RELL1: variants seen among roughly 807,000 people sequenced by gnomAD.
The protein encoded by RELL1 is RELT like 1.
In RELL1, 10 loss-of-function variants were observed where a neutral mutation model predicts 23.0. The observed-to-expected ratio is 0.43, with a 90% confidence interval of 0.27 to 0.74. The LOEUF (loss-of-function observed/expected upper bound fraction) is 0.74. Ranked by LOEUF, RELL1 falls within the 30% of genes least tolerant of loss-of-function variation. RELL1 has a pLI of 0.19. For synonymous variants in RELL1, 146 were observed against 146.8 expected (o/e 0.99, Z 0.04); for missense variants, 315 against 364.4 (o/e 0.86, Z 1.10).
At chr4:37,637,944 C>G (rs185147569) in intron 4 of RELL1, among the ~76,000 whole-genome samples, 109 of 152,206 alleles carry the variant, frequency 7.2e-4, no homozygotes, top group African/African-American at 2.1e-3. Flanking sequence ...TTATAACAAC[C>G]CTATAAAGCT....
intron 1 of RELL1, among the ~76,000 whole-genome samples, chr4:37,657,178 T>A (rs1721145619): frequency 6.6e-6 from 1 of 151,980 alleles, no homozygotes; most frequent in South Asian, 2.1e-4. Flanking sequence ...AAAGATAAAG[T>A]AAAATAAAAA....
intron 6 of RELL1, among the ~76,000 whole-genome samples, chr4:37,601,269 A>G (rs191895959): frequency 6.6e-6 from 1 of 152,288 alleles, no homozygotes; most frequent in East Asian, 1.9e-4. Context: ...AAAAGGCAAA[A>G]TCCCCATCAT....
intron 1 of RELL1, among the ~76,000 whole-genome samples, chr4:37,685,321 A>C (rs1392331385): frequency 6.6e-6 from 1 of 151,958 alleles, no homozygotes; most frequent in Non-Finnish European, 1.5e-5. Flanking sequence ...TAGTAACCCC[A>C]AATGGCCAAG....
At chr4:37,596,705 TG>T (rs1437524176) in intron 6 of RELL1, among the ~76,000 whole-genome samples, 5 of 87,836 alleles carry the variant, frequency 5.7e-5, no homozygotes, top group Admixed American at 1.4e-4. Flanking sequence ...TAGACAAAAC[TG>T]GGCATATATA....
chr4:37,624,144 C>T (rs979496459), intron 6 of RELL1, among the ~76,000 whole-genome samples: 17 of 152,066 alleles, frequency 1.1e-4, no homozygotes, highest in African/African-American at 3.4e-4. Context: ...TGAAGGCGGC[C>T]GAAGGTCAGA....
Position 37,666,810 on chromosome 4 carries a change from C to A in RELL1, c.89-17310G>T, listed in dbSNP as rs530052733. ...TTCTCTTCCTTCCAGGAACAGGAAG[C>A]AGATAATGACTAAACAGAGAACTAC... On this transcript the variant is annotated intron_variant, in intron 1 of 6. Coordinates refer to ENST00000454158, the MANE Select transcript of RELL1 (RefSeq NM_001085400.2). Among the ~76,000 whole-genome samples, 5 of 152,298 alleles carry A rather than the reference C, an allele frequency of 3.3e-5. No individual in the cohort carries two copies. In the East Asian group the frequency reaches 9.7e-4, roughly 29 times the overall value.
intron 1 of RELL1, among the ~76,000 whole-genome samples, chr4:37,678,308 C>A (rs1000418236): frequency 6.6e-6 from 1 of 152,076 alleles, no homozygotes; most frequent in African/African-American, 2.4e-5. Flanking sequence ...TCCACCAGGC[C>A]CCACCTCTAA....
At chr4:37,618,748 A>AC (rs1342733636) in intron 6 of RELL1, among the ~76,000 whole-genome samples, 1 of 152,184 alleles carries the variant, frequency 6.6e-6, no homozygotes, top group African/African-American at 2.4e-5. Context: ...GTACATATTT[A>AC]AGTTTTTACA....
chr4:37,604,952 CAG>C (rs1719150859), intron 6 of RELL1, among the ~76,000 whole-genome samples: 2 of 145,918 alleles, frequency 1.4e-5, no homozygotes, highest in East Asian at 2.1e-4. Flanking sequence ...CATACACACA[CAG>C]AGACACACAC....
downstream of RELL1, chr4:37,590,575 T>G: frequency 1.2e-6 from 2 of 1,614,152 alleles, no homozygotes; most frequent in Non-Finnish European, 1.7e-6. Flanking sequence ...AAGTTTTGCC[T>G]TGGAAGTACA....
chr4:37,609,825 A>AGAT (rs1243482424), downstream of RELL1, among the ~76,000 whole-genome samples: 3 of 152,240 alleles, frequency 2.0e-5, no homozygotes, highest in Admixed American at 2.0e-4. Context: ...AAACTTGAAT[A>AGAT]GATGAGGAAT....
chr4:37,640,298 CATT>C (rs1372646726), intron 3 of RELL1, among the ~76,000 whole-genome samples: 1 of 152,182 alleles, frequency 6.6e-6, no homozygotes, highest in Non-Finnish European at 1.5e-5. Flanking sequence ...ATTACAAAAA[CATT>C]ATGAAAACGG....
intron 6 of RELL1, among the ~76,000 whole-genome samples, chr4:37,624,844 G>A (rs1000439487): frequency 1.3e-5 from 2 of 152,164 alleles, no homozygotes; most frequent in African/African-American, 2.4e-5. Flanking sequence ...AAGCTGTAAT[G>A]TTCTTAAGAT....
At chr4:37,624,181 T>C (rs1719861128) in intron 6 of RELL1, among the ~76,000 whole-genome samples, 1 of 152,142 alleles carries the variant, frequency 6.6e-6, no homozygotes. Context: ...CAGCCACAGA[T>C]GCTCAGGAGG....
At chr4:37,655,308 C>T (rs1055392515) in intron 1 of RELL1, among the ~76,000 whole-genome samples, 2 of 152,062 alleles carry the variant, frequency 1.3e-5, no homozygotes, top group African/African-American at 4.8e-5. Context: ...GTCACCCCCT[C>T]CTAAATTTAT....
At position 37,686,368 on chromosome 4, in the gene RELL1, T is replaced by A. The variant is rs1560366256; in HGVS notation, c.-81A>T. ...CAGAGCCGCTCCGGAGCCGGCGGGC[T>A]GATCGAGTGGCTGGGCTGGGCCCCA... On this transcript the variant is annotated 5_prime_UTR_variant, in exon 1 of 7. Transcript: ENST00000454158. 2 of 1,136,272 alleles carry A rather than the reference T, an allele frequency of 1.8e-6. No homozygotes were observed. The highest frequency in any genetic ancestry group is 2.4e-6 in the Non-Finnish European group (2 of 847,984). The allele number at this position is 1,136,272 out of a possible 1,614,324, so 70.4% of individuals were successfully genotyped here.
chr4:37,611,011 C>CAA lies in RELL1; in HGVS notation c.*2333_*2334dup, dbSNP rs1719356508. On this transcript the variant is annotated 3_prime_UTR_variant, in exon 7 of 7. Coordinates refer to ENST00000454158, the MANE Select transcript of RELL1 (RefSeq NM_001085400.2). ...GGAAGCCTGCCAGACAAAAACCGCTCAAGTATTTATTAGAAAATATTTAAA... is the reference window on the plus strand; with the variant it reads ...GGAAGCCTGCCAGACAAAAACCGCTCAAAAGTATTTATTAGAAAATATTTAAA... Among the ~76,000 whole-genome samples, 1 of 152,060 alleles carries CAA rather than the reference C, an allele frequency of 6.6e-6. No homozygotes were observed. Among genetic ancestry groups the CAA allele is most frequent in the African/African-American group, 2.4e-5 (1 of 41,382 alleles).
chr4:37,671,916 T>C lies in RELL1; in HGVS notation c.88+14284A>G, dbSNP rs1721847728. Among the ~76,000 whole-genome samples, 3 of 152,150 alleles carry C rather than the reference T, an allele frequency of 2.0e-5. No individual in the cohort carries two copies. The South Asian group carries it at 6.2e-4, about 32-fold the overall frequency. ...AGAATTCAGAAAATCCCTACACTTATGATTACAGTTTTATTATGAAGCATA... is the reference window on the plus strand; with the variant it reads ...AGAATTCAGAAAATCCCTACACTTACGATTACAGTTTTATTATGAAGCATA... On this transcript the variant is annotated intron_variant, in intron 1 of 6. Coordinates refer to ENST00000454158, the MANE Select transcript of RELL1 (RefSeq NM_001085400.2).
At chr4:37,605,764 A>AT (rs1719173565), downstream of RELL1, among the ~76,000 whole-genome samples, 1 of 50,584 alleles carries the variant, frequency 2.0e-5, no homozygotes. Context: ...AAGAATAAAG[A>AT]AAGAGAGAGA....
Sources: gnomAD v4.1 joint callset for allele counts (sites outside exome capture counted in the v4.1 genomes callset) on GRCh38, gnomAD v4.1.1 for gene constraint, MANE v1.5 for transcripts, NCBI Gene and HGNC (gene_info 2026-07-23, HGNC 2026-07-21) for gene names.